Variants in PGBD5 observed in about 807,000 individuals in gnomAD.
PGBD5 encodes piggyBac transposable element-derived protein 5.
Under a neutral mutation model 47.9 loss-of-function variants are expected in PGBD5, and 14 were observed. That is an observed-to-expected ratio of 0.29 (90% confidence interval 0.19 to 0.46). The LOEUF is 0.46. Among genes scored for constraint, PGBD5 ranks in the 20% least tolerant of loss-of-function variants. The pLI is 1.00. For synonymous variants in PGBD5, 316 were observed against 306.3 expected (o/e 1.03, Z -0.33); for missense variants, 635 against 716.0 (o/e 0.89, Z 1.29).
At chr1:230,392,368 C>T (rs1414723058) in intron 1 of PGBD5, among the ~76,000 whole-genome samples, 1 of 152,184 alleles carries the variant, frequency 6.6e-6, no homozygotes, top group Non-Finnish European at 1.5e-5. Context: ...GAGAATCAAG[C>T]TGGGGAAGGC....
chr1:230,362,602 C>A (rs1199447621), intron 1 of PGBD5, among the ~76,000 whole-genome samples: 1 of 152,180 alleles, frequency 6.6e-6, no homozygotes, highest in African/African-American at 2.4e-5. Flanking sequence ...CAGTTCACAG[C>A]TGTCCCATCG....
intron 1 of PGBD5, among the ~76,000 whole-genome samples, chr1:230,416,642 G>A (rs1431342822): frequency 6.6e-6 from 1 of 152,160 alleles, no homozygotes; most frequent in Non-Finnish European, 1.5e-5. Context: ...TCCGGGCAAG[G>A]GCCTGGCAGA....
At chr1:230,422,187 C>A (rs893258235) in intron 1 of PGBD5, among the ~76,000 whole-genome samples, 3 of 151,944 alleles carry the variant, frequency 2.0e-5, no homozygotes, top group African/African-American at 7.3e-5. Flanking sequence ...GTGAACAGCT[C>A]AGATCCCAGC....
intron 1 of PGBD5, among the ~76,000 whole-genome samples, chr1:230,401,023 C>T (rs1558212186): frequency 1.3e-5 from 2 of 152,212 alleles, no homozygotes; most frequent in Non-Finnish European, 2.9e-5. Flanking sequence ...CTGAGAAGCA[C>T]GCATATTATC....
intron 1 of PGBD5, among the ~76,000 whole-genome samples, chr1:230,424,432 G>A (rs996968063): frequency 6.6e-6 from 1 of 152,152 alleles, no homozygotes; most frequent in Non-Finnish European, 1.5e-5. Context: ...CATCCACACC[G>A]CAGCCTGCCA....
intron 1 of PGBD5, among the ~76,000 whole-genome samples, chr1:230,401,363 C>G (rs1657133937): frequency 6.6e-6 from 1 of 152,154 alleles, no homozygotes; most frequent in Non-Finnish European, 1.5e-5. Flanking sequence ...AGTACGTGCT[C>G]CGGGACTGCT....
chr1:230,393,430 C>T (rs1473572894), intron 1 of PGBD5, among the ~76,000 whole-genome samples: 1 of 152,186 alleles, frequency 6.6e-6, no homozygotes, highest in South Asian at 2.1e-4. Flanking sequence ...CTTCACCATC[C>T]CACCTTTAAG....
intron 2 of PGBD5, among the ~76,000 whole-genome samples, chr1:230,352,651 G>A (rs1667576423): frequency 6.6e-6 from 1 of 152,166 alleles, no homozygotes; most frequent in Non-Finnish European, 1.5e-5. Context: ...CCCCTGTCTT[G>A]TGAAGGGGAA....
intron 1 of PGBD5, among the ~76,000 whole-genome samples, chr1:230,421,562 T>A (rs1197230720): frequency 6.6e-6 from 1 of 152,126 alleles, no homozygotes; most frequent in African/African-American, 2.4e-5. Context: ...TTGATAATAA[T>A]GCATGAAAAT....
At position 230,425,631 on chromosome 1, in the gene PGBD5, C is replaced by T. The variant is rs1244436898; in HGVS notation, c.298G>A (p.Asp100Asn). The T allele has an allele frequency of 8.2e-7, 1 of 1,220,486 alleles. No homozygotes were observed. Among genetic ancestry groups the T allele is most frequent in the Non-Finnish European group, 1.0e-6 (1 of 980,886 alleles). 75.6% of individuals were successfully genotyped at this position (1,220,486 alleles called of 1,614,324 possible). The change falls in exon 1 of 7, where the codon GAC (aspartate) becomes AAC (asparagine). Residue 100 changes from aspartate (D) to asparagine (N), a missense_variant. Physicochemically the swap from Asp to Asn is conservative, Grantham distance 23 (BLOSUM62 1). Transcript: ENST00000391860. This position sits in a 1 kb window ranked among gnomAD's most constrained non-coding sequence, Gnocchi z 4.7. ...AGAGWSAALR[D>N]RPPPRFEDTG... ...TCCTCGAAGCGCGGGGGCGGGCGGTCCCGCAGCGCTGCGCTCCAGCCCGCG... is the reference window on the plus strand; with the variant it reads ...TCCTCGAAGCGCGGGGGCGGGCGGTTCCGCAGCGCTGCGCTCCAGCCCGCG...
At chr1:230,374,617 A>G (rs1487131469) in intron 1 of PGBD5, among the ~76,000 whole-genome samples, 1 of 152,162 alleles carries the variant, frequency 6.6e-6, no homozygotes, top group East Asian at 1.9e-4. Context: ...TTCTCAATAC[A>G]ATTTCTGGAA....
chr1:230,398,606 C>T (rs746753358), intron 1 of PGBD5, among the ~76,000 whole-genome samples: 1 of 152,188 alleles, frequency 6.6e-6, no homozygotes. Flanking sequence ...CTAGACAGAA[C>T]TAGGCAGTTC....
At chr1:230,331,370 A>T (rs1403302324) in intron 5 of PGBD5, among the ~76,000 whole-genome samples, 1 of 152,052 alleles carries the variant, frequency 6.6e-6, no homozygotes, top group Non-Finnish European at 1.5e-5. Flanking sequence ...GAGCTATGAT[A>T]GCACCACTGC....
At chr1:230,352,612 T>A (rs972312048) in intron 2 of PGBD5, among the ~76,000 whole-genome samples, 1 of 152,176 alleles carries the variant, frequency 6.6e-6, no homozygotes, top group Non-Finnish European at 1.5e-5. Flanking sequence ...TTTCTACTAA[T>A]GGACACATGG....
intron 1 of PGBD5, among the ~76,000 whole-genome samples, chr1:230,401,163 A>G (rs1657129843): frequency 6.6e-6 from 1 of 152,212 alleles, no homozygotes; most frequent in African/African-American, 2.4e-5. Context: ...ATTCACCATT[A>G]GGAGAGCTGC....
intron 2 of PGBD5, among the ~76,000 whole-genome samples, chr1:230,353,112 T>C (rs1667583768): frequency 6.6e-6 from 1 of 152,212 alleles, no homozygotes; most frequent in South Asian, 2.1e-4. Context: ...GAATTATGAA[T>C]ATGTCATTAC....
chr1:230,338,193 GT>G (rs1362260146), intron 3 of PGBD5, among the ~76,000 whole-genome samples: 1 of 152,212 alleles, frequency 6.6e-6, no homozygotes, highest in Non-Finnish European at 1.5e-5. Context: ...TGTGTATTAT[GT>G]TTTTTAAATT....
rs549780416 is a variant in PGBD5 at position 230,319,809 on chromosome 1, G to A, written c.*3616C>T. 5.9e-4 allele frequency: 87 copies of A among 147,644 alleles called. No homozygotes were observed. Among genetic ancestry groups the A allele is most frequent in the African/African-American group, 2.1e-3 (82 of 39,800 alleles). 9.1% of individuals were successfully genotyped at this position (147,644 alleles called of 1,614,324 possible). On this transcript the variant is annotated 3_prime_UTR_variant, in exon 7 of 7. Coordinates refer to ENST00000391860, the MANE Select transcript of PGBD5 (RefSeq NM_001258311.2). ...TTTTGAAAGATGTCCCTAGTATAAT[G>A]TCCCATGGACCACGGGAAGACGTTG...
intron 1 of PGBD5, among the ~76,000 whole-genome samples, chr1:230,391,383 T>A (rs1295590889): frequency 6.6e-6 from 1 of 152,234 alleles, no homozygotes; most frequent in Non-Finnish European, 1.5e-5. Context: ...GGAAAAAATA[T>A]GAGTTTGCTG....
Sources: allele counts gnomAD v4.1 joint callset (sites outside exome capture counted in the v4.1 genomes callset), GRCh38; gene constraint gnomAD v4.1.1; non-coding constraint Gnocchi (gnomAD v3.1); transcripts MANE v1.5; gene names NCBI Gene and HGNC (gene_info 2026-07-23, HGNC 2026-07-21).